RAPGEF5: variants seen among roughly 807,000 people sequenced by gnomAD.
RAPGEF5 encodes Rap guanine nucleotide exchange factor 5.
A neutral mutation model predicts 125.2 loss-of-function variants in RAPGEF5; 65 were observed. The ratio of observed to expected loss-of-function variants is 0.52; its 90% CI spans 0.43 to 0.64. The LOEUF is 0.64. Ranked by LOEUF, RAPGEF5 falls within the 30% of genes least tolerant of loss-of-function variation. The pLI, the probability that RAPGEF5 is intolerant of heterozygous loss-of-function variation, is 0.00. For missense variants in RAPGEF5, 958 were observed against 1,048.1 expected (o/e 0.91, Z 1.19); for synonymous variants, 391 against 385.9 (o/e 1.01, Z -0.16).
chr7:22,146,970 A>G lies in RAPGEF5; in HGVS notation c.1934T>C (p.Leu645Ser). The change falls in exon 19 of 26, where the codon TTG (leucine) becomes TCG (serine). Residue 645 changes from leucine (L) to serine (S), a missense_variant. Leu to Ser is a moderately radical substitution (Grantham distance 145). Coordinates refer to ENST00000665637, the MANE Select transcript of RAPGEF5 (RefSeq NM_012294.5). ...AGCAAGATCCCAAGTGTTCATTCCC[A>G]AAATCCTCATCGACCTTTGCTGTGA... ...EESQQRSMRI[L>S]GMNTWDLALE... 1 of 1,613,658 alleles carries G rather than the reference A, an allele frequency of 6.2e-7. No homozygotes were observed. The highest frequency in any genetic ancestry group is 1.1e-5 in the South Asian group (1 of 91,044).
chr7:22,331,330 T>G lies in RAPGEF5; in HGVS notation c.232-13293A>C, dbSNP rs115167928. 4.0e-3 allele frequency among the ~76,000 whole-genome samples: 610 copies of G among 152,348 alleles called. 4 individuals are homozygous for G. The highest frequency in any genetic ancestry group is 0.014 in the African/African-American group (571 of 41,572). ...AAATGGAATGATTGAATCTTATTTC[T>G]TTTTTCTAAGATATGCCCCTCTCCA... On this transcript the variant is annotated intron_variant, in intron 1 of 25. Transcript: ENST00000665637.
chr7:22,193,524 G>GTCCTCATCC (rs1403512041), intron 10 of RAPGEF5, 69 bp from the exon 11 acceptor site: 1 of 1,553,442 alleles, frequency 6.4e-7, no homozygotes, highest in South Asian at 1.2e-5. Context: ...TCCATTCATC[G>GTCCTCATCC]TCCTCATCCT....
At chr7:22,213,742 C>T (rs990349347) in intron 9 of RAPGEF5, among the ~76,000 whole-genome samples, 6 of 152,164 alleles carry the variant, frequency 3.9e-5, no homozygotes, top group African/African-American at 1.2e-4. Flanking sequence ...CTATTATACC[C>T]TAGTTGTGAC....
At chr7:22,242,919 C>T (rs913394877) in intron 7 of RAPGEF5, among the ~76,000 whole-genome samples, 1 of 146,416 alleles carries the variant, frequency 6.8e-6, no homozygotes, top group Non-Finnish European at 1.5e-5. Flanking sequence ...TGCACTCCAA[C>T]CTAGGCAACA....
At chr7:22,156,346 G>A (rs1783806257) in intron 16 of RAPGEF5, among the ~76,000 whole-genome samples, 1 of 152,204 alleles carries the variant, frequency 6.6e-6, no homozygotes, top group African/African-American at 2.4e-5. Context: ...GCCTGGCCTT[G>A]CAGGAGCTTC....
intron 8 of RAPGEF5, 130 bp downstream of exon 8, chr7:22,230,716 T>TTATTCCCAATAACATGGC: frequency 1.2e-6 from 1 of 812,904 alleles, no homozygotes; most frequent in South Asian, 1.9e-5. Context: ...ACTGAGCACT[T>TTATTCCCAATAACATGGC]TATTCCCAAT....
At chr7:22,355,084 C>G (rs1159664331) in intron 1 of RAPGEF5, among the ~76,000 whole-genome samples, 1 of 152,152 alleles carries the variant, frequency 6.6e-6, no homozygotes, top group Non-Finnish European at 1.5e-5. Context: ...ACTGGAAAAA[C>G]TGACAATCAA....
chr7:22,261,451 A>T (rs962346719), intron 7 of RAPGEF5, among the ~76,000 whole-genome samples: 3 of 151,934 alleles, frequency 2.0e-5, no homozygotes, highest in Admixed American at 6.6e-5. Flanking sequence ...ATAAAAAAAT[A>T]AAAAAAATTA....
intron 1 of RAPGEF5, among the ~76,000 whole-genome samples, chr7:22,329,066 T>C (rs965973286): frequency 5.3e-5 from 8 of 152,248 alleles, no homozygotes; most frequent in African/African-American, 1.4e-4. Context: ...CTTTTCCTGT[T>C]TAAGCATAAT....
chr7:22,284,508 T>C (rs887298225), intron 6 of RAPGEF5, among the ~76,000 whole-genome samples: 3 of 152,198 alleles, frequency 2.0e-5, no homozygotes, highest in East Asian at 1.9e-4. Flanking sequence ...CTTGACACTT[T>C]CCCTCAAAAC....
intron 24 of RAPGEF5, 112 bp from the exon 25 acceptor site, chr7:22,125,770 A>T: frequency 1.0e-6 from 1 of 982,968 alleles, no homozygotes; most frequent in South Asian, 1.4e-5. Flanking sequence ...TGTAATAAAG[A>T]GAAGAACTGT....
At chr7:22,239,017 A>G (rs1247767468) in intron 7 of RAPGEF5, among the ~76,000 whole-genome samples, 1 of 152,256 alleles carries the variant, frequency 6.6e-6, no homozygotes, top group African/African-American at 2.4e-5. Context: ...CAGTATAAGC[A>G]TGAACTGACT....
At chr7:22,277,598 A>G (rs1431965659) in intron 6 of RAPGEF5, among the ~76,000 whole-genome samples, 1 of 152,178 alleles carries the variant, frequency 6.6e-6, no homozygotes, top group Non-Finnish European at 1.5e-5. Context: ...TTCCATGCTC[A>G]TGCAGGTCAT....
At chr7:22,211,131 C>G (rs1297829215) in intron 9 of RAPGEF5, among the ~76,000 whole-genome samples, 1 of 152,154 alleles carries the variant, frequency 6.6e-6, no homozygotes, top group Non-Finnish European at 1.5e-5. Flanking sequence ...CTTAAAACAA[C>G]ATTTAGGACT....
intron 5 of RAPGEF5, 53 bp downstream of exon 5, chr7:22,308,286 G>C: frequency 6.7e-7 from 1 of 1,482,560 alleles, no homozygotes; most frequent in Non-Finnish European, 9.1e-7. Flanking sequence ...CCTAGACATG[G>C]TAAATGTTGT....
chr7:22,256,382 G>A (rs540260051), intron 7 of RAPGEF5, among the ~76,000 whole-genome samples: 1 of 152,238 alleles, frequency 6.6e-6, no homozygotes, highest in South Asian at 2.1e-4. Flanking sequence ...TGTAAAAAGT[G>A]AAAACATTGT....
intron 11 of RAPGEF5, among the ~76,000 whole-genome samples, chr7:22,185,192 C>T (rs777205862): frequency 1.1e-4 from 16 of 152,180 alleles, no homozygotes; most frequent in Non-Finnish European, 4.4e-5. Context: ...GCTCATTTCC[C>T]GATTCAAATG....
chr7:22,227,413 C>T (rs1031069790), intron 8 of RAPGEF5, among the ~76,000 whole-genome samples: 4 of 151,958 alleles, frequency 2.6e-5, no homozygotes, highest in African/African-American at 9.7e-5. Context: ...ATTTGTATAA[C>T]AAATAATTAT....
At chr7:22,136,525 T>C (rs1198298169) in intron 22 of RAPGEF5, among the ~76,000 whole-genome samples, 1 of 151,542 alleles carries the variant, frequency 6.6e-6, no homozygotes, top group African/African-American at 2.4e-5. Flanking sequence ...AACAAGAGGA[T>C]ACTGTTTTTT....
Sources: gnomAD v4.1 joint callset for allele counts (sites outside exome capture counted in the v4.1 genomes callset) on GRCh38, gnomAD v4.1.1 for gene constraint, MANE v1.5 for transcripts, NCBI Gene and HGNC (gene_info 2026-07-23, HGNC 2026-07-21) for gene names.